Variants in GBF1 observed in about 807,000 individuals in gnomAD.
GBF1 encodes Golgi-specific brefeldin A-resistance guanine nucleotide exchange factor 1.
A neutral mutation model predicts 210.5 loss-of-function variants in GBF1; 114 were observed. The observed-to-expected ratio is 0.54, with a 90% confidence interval of 0.47 to 0.63. GBF1 has a LOEUF of 0.63. Among genes scored for constraint, GBF1 ranks in the 30% least tolerant of loss-of-function variants. The probability of loss-of-function intolerance (pLI) is 0.00; values close to 1 mark genes in which losing one functional copy is unlikely to be tolerated. For missense variants in GBF1, 1,851 were observed against 2,357.7 expected, an observed-to-expected ratio of 0.79 and a Z score of 4.45; for synonymous variants, 850 against 889.2, an observed-to-expected ratio of 0.96 and a Z score of 0.78.
intron 3 of GBF1, among the ~76,000 whole-genome samples, chr10:102,332,879 T>C (rs2057437810): frequency 6.6e-6 from 1 of 152,174 alleles, no homozygotes; most frequent in African/African-American, 2.4e-5. Flanking sequence ...AGAATGTGTT[T>C]GATAAAAAGA....
upstream of GBF1, among the ~76,000 whole-genome samples, chr10:102,242,516 T>C (rs1356043803): frequency 6.6e-6 from 1 of 152,186 alleles, no homozygotes; most frequent in African/African-American, 2.4e-5. Flanking sequence ...ACAGGACAGA[T>C]GACCAAGGAA....
chr10:102,277,046 G>T (rs2075051566), intron 3 of GBF1, among the ~76,000 whole-genome samples: 1 of 151,490 alleles, frequency 6.6e-6, no homozygotes, highest in Non-Finnish European at 1.5e-5. Flanking sequence ...TTATTTTTTG[G>T]CTGGGCACAG....
rs1219942441 is a variant in GBF1, at chr10:102,351,845, T to G, written c.417T>G (p.Val139=). Residue 139 remains valine (V), a splice_region_variant and synonymous_variant, in exon 6 of 40, where the codon GTT becomes GTG. Transcript: ENST00000369983. ...DEVVLMKILQ[V]LRTLLLTPVG... is the part of the protein sequence containing the mutation. ...TAATTCCTTTTTCTTCCTGATAGGT[T>G]CTACGGACTCTGCTGCTAACCCCAG... The G allele has an allele frequency of 6.4e-7, 1 of 1,560,690 alleles. No individual in the cohort carries two copies. Among genetic ancestry groups the G allele is most frequent in the South Asian group, 1.1e-5 (1 of 90,016 alleles).
In GBF1 at chr10:102,370,819, C is replaced by T. The variant is rs771594545; in HGVS notation, c.3619C>T (p.Leu1207=). ...GCGGGCAGTGGTGGGGTTGCTACGC[C>T]TGGCCATTCGGCTTCTCCGGAGAGA... The part of the protein sequence containing the change: ...VERAVVGLLR[L]AIRLLRREEI... Residue 1207 remains leucine (L), a synonymous_variant, in exon 29 of 40, where the codon CTG becomes TTG. Coordinates refer to ENST00000369983, the MANE Select transcript of GBF1 (RefSeq NM_001377137.1). 6.2e-7 allele frequency: 1 copy of T among 1,614,174 alleles called. No homozygotes were observed. The highest frequency in any genetic ancestry group is 1.1e-5 in the South Asian group (1 of 91,082).
At chr10:102,369,416 A>T in intron 24 of GBF1, 29 bp downstream of exon 24, 2 of 1,551,112 alleles carry the variant, frequency 1.3e-6, no homozygotes, top group Admixed American at 3.4e-5. Flanking sequence ...CTAGTGAGCG[A>T]TAACAAGGCA....
chr10:102,323,639 C>T (rs1238177830), intron 3 of GBF1, among the ~76,000 whole-genome samples: 2 of 149,884 alleles, frequency 1.3e-5, no homozygotes, highest in Non-Finnish European at 3.0e-5. Context: ...CTCCTGGGCT[C>T]AAGTTATCCT....
intron 8 of GBF1, among the ~76,000 whole-genome samples, chr10:102,354,000 T>C (rs564171213): frequency 5.3e-5 from 8 of 152,286 alleles, no homozygotes; most frequent in Non-Finnish European, 1.5e-5. Context: ...GTAGAAGGCC[T>C]AGAGAGGCTA....
chr10:102,364,060 A>G (rs569702645), intron 17 of GBF1, among the ~76,000 whole-genome samples: 20 of 152,140 alleles, frequency 1.3e-4, no homozygotes, highest in Admixed American at 9.2e-4. Context: ...TGGCAGTGAC[A>G]GGAGCCTTGG....
chr10:102,316,674 A>G (rs2078961679), intron 3 of GBF1, among the ~76,000 whole-genome samples: 1 of 152,220 alleles, frequency 6.6e-6, no homozygotes, highest in African/African-American at 2.4e-5. Context: ...GGCCATTTCC[A>G]GTCCTATCCT....
intron 2 of GBF1, among the ~76,000 whole-genome samples, chr10:102,259,425 T>C (rs577413420): frequency 2.0e-5 from 3 of 152,346 alleles, no homozygotes; most frequent in Non-Finnish European, 4.4e-5. Flanking sequence ...GTACTCCTTC[T>C]TGGGGGTTCA....
intron 22 of GBF1, 138 bp downstream of exon 22, chr10:102,368,592 TG>T: frequency 1.2e-6 from 1 of 804,350 alleles, no homozygotes; most frequent in Non-Finnish European, 2.1e-6. Flanking sequence ...GGCTGAAGCT[TG>T]GGTAGGCTCA....
In GBF1 at chr10:102,358,730, G is replaced by T. The variant is rs2059428977; in HGVS notation, c.1011+1G>T. On this transcript the variant is annotated splice_donor_variant, in intron 10 of 39. Transcript: ENST00000369983. LOFTEE classifies it high-confidence loss of function. ...TGTTCCCGAGCAGCCTGACCTCCAG[G>T]TATGGCTTTGATTTTTAATGTCCCT... The T allele has an allele frequency of 1.3e-6, 2 of 1,595,602 alleles. No individual in the cohort carries two copies. Among genetic ancestry groups the T allele is most frequent in the South Asian group, 1.1e-5 (1 of 90,590 alleles).
chr10:102,321,625 A>G (rs934564464), intron 3 of GBF1, among the ~76,000 whole-genome samples: 7 of 152,194 alleles, frequency 4.6e-5, no homozygotes, highest in African/African-American at 1.7e-4. Flanking sequence ...GCTGGAGTAT[A>G]ATGGCACGAT....
chr10:102,334,634 G>A (rs755508024), intron 3 of GBF1, among the ~76,000 whole-genome samples: 2 of 152,140 alleles, frequency 1.3e-5, no homozygotes, highest in Non-Finnish European at 2.9e-5. Flanking sequence ...ACATCACGAG[G>A]TCAGGAGATC....
intron 3 of GBF1, among the ~76,000 whole-genome samples, chr10:102,280,130 A>AG (rs536879748): frequency 1.7e-4 from 25 of 150,120 alleles, no homozygotes; most frequent in South Asian, 8.4e-4. Flanking sequence ...CTTAAAAAAA[A>AG]AGAGAGAGAG....
chr10:102,349,480 C>T (rs769793842), intron 4 of GBF1, among the ~76,000 whole-genome samples: 2 of 152,092 alleles, frequency 1.3e-5, no homozygotes, highest in African/African-American at 2.4e-5. Context: ...TGCAGTGATC[C>T]GAGATCATGC....
Position 102,361,707 on chromosome 10 carries a change from G to A in GBF1, c.1492-11G>A. On this transcript the variant is annotated splice_polypyrimidine_tract_variant and intron_variant, in intron 13 of 39. Coordinates refer to ENST00000369983, the MANE Select transcript of GBF1 (RefSeq NM_001377137.1). ...TCCCCACCCAAATGGCAATTACTGG[G>A]TTATTGCCAGATGTACATCAAAAAG... The A allele has an allele frequency of 6.5e-7, 1 of 1,549,692 alleles. No individual in the cohort carries two copies. The highest frequency in any genetic ancestry group is 8.7e-7 in the Non-Finnish European group (1 of 1,145,926).
Position 102,288,735 on chromosome 10 carries a change from AC to A in GBF1, c.163+28620del, listed in dbSNP as rs1565064621. 1.5e-4 allele frequency among the ~76,000 whole-genome samples: 21 copies of A among 144,402 alleles called. 1 individual carries two copies. The highest frequency in any genetic ancestry group is 4.3e-4 in the East Asian group (2 of 4,668). The allele number at this position is 144,402 out of a possible 152,430, so 94.7% of individuals were successfully genotyped here. ...TCCGTCTCAAAGGAAAAAAAAAAAA[AC>A]AAAAAAAAAAAACGAAATTACTTGT... On this transcript the variant is annotated intron_variant, in intron 3 of 39. Transcript: ENST00000369983.
intron 3 of GBF1, among the ~76,000 whole-genome samples, chr10:102,304,648 G>A (rs939571641): frequency 2.6e-5 from 4 of 151,710 alleles, no homozygotes; most frequent in Non-Finnish European, 5.9e-5. Flanking sequence ...GGTGGCACAC[G>A]CCAGTAATCT....
Sources: allele counts gnomAD v4.1 joint callset (sites outside exome capture counted in the v4.1 genomes callset), GRCh38; gene constraint gnomAD v4.1.1; transcripts MANE v1.5; gene names NCBI Gene and HGNC (gene_info 2026-07-23, HGNC 2026-07-21).